The following CDH13 variants were observed in gnomAD, a reference collection of about 807,000 sequenced individuals.
CDH13 encodes cadherin 13.
CDH13 carries 24 observed loss-of-function variants against 63.8 expected under a neutral mutation model. The observed-to-expected ratio is 0.38, with a 90% confidence interval of 0.27 to 0.53. CDH13 has a LOEUF of 0.53. Among genes scored for constraint, CDH13 ranks in the 20% least tolerant of loss-of-function variants. The probability of loss-of-function intolerance (pLI) is 0.85; values close to 1 mark genes in which losing one functional copy is unlikely to be tolerated. For missense variants in CDH13, 1,049 were observed against 903.1 expected (o/e 1.16, Z -2.07); for synonymous variants, 503 against 355.3 (o/e 1.42, Z -4.67).
chr16:83,423,652 G>A (rs1164448456), intron 6 of CDH13, among the ~76,000 whole-genome samples: 1 of 152,196 alleles, frequency 6.6e-6, no homozygotes, highest in Non-Finnish European at 1.5e-5. Flanking sequence ...AGAGGCAACT[G>A]CAGCAATCAT....
intron 7 of CDH13, among the ~76,000 whole-genome samples, chr16:83,492,252 A>T (rs113171300): frequency 2.6e-5 from 4 of 152,210 alleles, no homozygotes; most frequent in African/African-American, 9.7e-5. Flanking sequence ...TGAAAGATAG[A>T]GGTAGTAGTC....
At chr16:83,376,567 G>A (rs141109146) in intron 6 of CDH13, among the ~76,000 whole-genome samples, 20 of 152,262 alleles carry the variant, frequency 1.3e-4, no homozygotes, top group African/African-American at 4.8e-4. Flanking sequence ...TTCTGGCTTT[G>A]GAGAATGGGT....
chr16:83,195,891 A>T (rs1179949925), intron 4 of CDH13, among the ~76,000 whole-genome samples: 56 of 152,332 alleles, frequency 3.7e-4, no homozygotes, highest in Admixed American at 3.6e-3. Flanking sequence ...TCAGCAAATG[A>T]TGCTGGAGCC....
intron 4 of CDH13, among the ~76,000 whole-genome samples, chr16:83,155,377 G>T (rs918644777): frequency 6.6e-6 from 1 of 152,166 alleles, no homozygotes; most frequent in Non-Finnish European, 1.5e-5. Context: ...TTTAGAGGTT[G>T]AAAGGCCAAG....
rs1598197625 is a variant in CDH13, at chr16:83,514,013, A to T, written c.960+27358A>T. Among the ~76,000 whole-genome samples the T allele has an allele frequency of 2.6e-5, 4 of 152,338 alleles. No homozygotes were observed. In the Middle Eastern group the frequency reaches 0.01, roughly 389 times the overall value. On this transcript the variant is annotated intron_variant, in intron 7 of 13. Transcript: ENST00000567109. ...GTTAAAAGTTCATCATCAGGAGCTG[A>T]AAGAATTGAAAGTAAAATGAAACTA...
intron 7 of CDH13, among the ~76,000 whole-genome samples, chr16:83,575,351 AC>A (rs1905012006): frequency 6.6e-6 from 1 of 152,234 alleles, no homozygotes; most frequent in Non-Finnish European, 1.5e-5. Context: ...AAAAACAAAA[AC>A]AAAAAGTGTC....
chr16:82,917,612 T>G (rs2042029213), intron 2 of CDH13, among the ~76,000 whole-genome samples: 1 of 151,950 alleles, frequency 6.6e-6, no homozygotes, highest in Admixed American at 6.6e-5. Flanking sequence ...ATAAACTCAG[T>G]TTAAAAGAGA....
At chr16:82,865,613 C>A (rs1186911563) in intron 2 of CDH13, among the ~76,000 whole-genome samples, 1 of 152,236 alleles carries the variant, frequency 6.6e-6, no homozygotes, top group Non-Finnish European at 1.5e-5. Flanking sequence ...GGGTCTGGCC[C>A]ATGAGACCAT....
chr16:82,673,458 T>C (rs1381282479), intron 1 of CDH13, among the ~76,000 whole-genome samples: 1 of 152,168 alleles, frequency 6.6e-6, no homozygotes, highest in African/African-American at 2.4e-5. Flanking sequence ...CAAACGTTTA[T>C]TGAGCACTGA....
intron 5 of CDH13, among the ~76,000 whole-genome samples, chr16:83,279,629 T>C (rs1054350082): frequency 6.6e-6 from 1 of 152,128 alleles, no homozygotes; most frequent in East Asian, 1.9e-4. Context: ...ATATGTGGAG[T>C]TGAGACAATC....
rs1597770684 is a variant in CDH13, at chr16:83,332,429, T to C, written c.637-12433T>C. On this transcript the variant is annotated intron_variant, in intron 5 of 13. Coordinates refer to ENST00000567109, the MANE Select transcript of CDH13 (RefSeq NM_001257.5). Reference sequence around the variant, plus strand: ...GAACATCATGTTTGATAAAACACATTTTAACACTTACTTAACAAAATGACT... The same window carrying C: ...GAACATCATGTTTGATAAAACACATCTTAACACTTACTTAACAAAATGACT... Among the ~76,000 whole-genome samples the C allele has an allele frequency of 2.0e-5, 3 of 152,288 alleles. No homozygotes were observed. The East Asian group carries it at 5.8e-4, about 29-fold the overall frequency.
chr16:82,930,008 A>G (rs1470457210), intron 2 of CDH13, among the ~76,000 whole-genome samples: 4 of 146,224 alleles, frequency 2.7e-5, no homozygotes, highest in Admixed American at 2.7e-4. Flanking sequence ...AATCACTATC[A>G]TGACTTCTAA....
At chr16:82,849,045 C>G (rs1366762738) in intron 1 of CDH13, among the ~76,000 whole-genome samples, 2 of 152,156 alleles carry the variant, frequency 1.3e-5, no homozygotes, top group Non-Finnish European at 2.9e-5. Flanking sequence ...GATGATCAAA[C>G]CAGCCGCAAC....
intron 6 of CDH13, among the ~76,000 whole-genome samples, chr16:83,483,769 T>C (rs1458110983): frequency 7.2e-5 from 11 of 152,176 alleles, no homozygotes; most frequent in African/African-American, 2.7e-4. Context: ...TGATTTCTGA[T>C]GGGGATATCC....
At chr16:83,338,603 G>T (rs533894071) in intron 5 of CDH13, among the ~76,000 whole-genome samples, 16 of 152,364 alleles carry the variant, frequency 1.1e-4, no homozygotes, top group African/African-American at 3.6e-4. Flanking sequence ...GACGCCATGG[G>T]AATGTAAGCC....
At chr16:83,221,424 A>G (rs1417161360) in intron 5 of CDH13, among the ~76,000 whole-genome samples, 5 of 152,140 alleles carry the variant, frequency 3.3e-5, no homozygotes, top group Non-Finnish European at 7.3e-5. Context: ...CTCCTGAAAT[A>G]TTACTCATTA....
chr16:83,674,977 C>T (rs1914833236), intron 9 of CDH13, among the ~76,000 whole-genome samples: 1 of 152,208 alleles, frequency 6.6e-6, no homozygotes, highest in Non-Finnish European at 1.5e-5. Flanking sequence ...CTCCCTCTTC[C>T]AGCCAACAAA....
At position 83,672,409 on chromosome 16, in the gene CDH13, C is replaced by CTTTTTTTTT. The variant is rs34156503; in HGVS notation, c.1284+1463_1284+1471dup. On this transcript the variant is annotated intron_variant, in intron 9 of 13. Transcript: ENST00000567109. The stretch of plus-strand genomic sequence containing the variant: ...AGAGTGAGGCAGCTCTCTGGATTCT[C>CTTTTTTTTT]TTTTTTTTTTTTTTTTTTTTTTTTT... Among the ~76,000 whole-genome samples, 147 of 35,140 alleles carry CTTTTTTTTT rather than the reference C, an allele frequency of 4.2e-3. 41 individuals carry two copies. Among genetic ancestry groups the CTTTTTTTTT allele is most frequent in the Non-Finnish European group, 6.0e-3 (119 of 19,854 alleles). 23.1% of individuals were successfully genotyped at this position (35,140 alleles called of 152,430 possible).
intron 7 of CDH13, 67 bp downstream of exon 7, chr16:83,486,722 G>T: frequency 6.9e-7 from 1 of 1,459,026 alleles, no homozygotes; most frequent in Non-Finnish European, 9.6e-7. Flanking sequence ...AAGGGATGAT[G>T]TGGGGCTCCA....
Sources: allele counts gnomAD v4.1 joint callset (sites outside exome capture counted in the v4.1 genomes callset), GRCh38; gene constraint gnomAD v4.1.1; transcripts MANE v1.5; gene names NCBI Gene and HGNC (gene_info 2026-07-23, HGNC 2026-07-21).